Variants in RBFOX1 observed in about 807,000 individuals in gnomAD.
RBFOX1 encodes the protein RNA binding fox-1 homolog 1.
RBFOX1 carries 8 observed loss-of-function variants against 57.7 expected under a neutral mutation model. The ratio of observed to expected loss-of-function variants is 0.14; its 90% confidence interval spans 0.08 to 0.25. The LOEUF is 0.25. Ranked by LOEUF, RBFOX1 falls within the 10% of genes least tolerant of loss-of-function variation. RBFOX1 has a pLI of 1.00. For missense variants in RBFOX1, 611 were observed against 548.5 expected, an observed-to-expected ratio of 1.11 and a Z score of -1.14; for synonymous variants, 326 against 222.4, an observed-to-expected ratio of 1.47 and a Z score of -4.15.
chr16:7,504,709 TTATATATATATATA>T (rs1181491515), intron 4 of RBFOX1, among the ~76,000 whole-genome samples: 20 of 74,530 alleles, frequency 2.7e-4, no homozygotes, highest in African/African-American at 1.4e-3. Context: ...TGAAGTGAGA[TTATATATATATATA>T]TATATATATA....
intron 15 of RBFOX1, chr16:7,709,447 CTTTTT>C (rs75160475): frequency 9.2e-6 from 12 of 1,309,568 alleles, no homozygotes; most frequent in African/African-American, 4.6e-5. Flanking sequence ...CAATGCAGAA[CTTTTT>C]TTTTTCTTTT....
chr16:5,568,887 T>C (rs2046168841), intron 2 of RBFOX1, among the ~76,000 whole-genome samples: 1 of 152,156 alleles, frequency 6.6e-6, no homozygotes, highest in Admixed American at 6.5e-5. Context: ...GTTGCCCAGG[T>C]TGGAGTGCAG....
intron 4 of RBFOX1, among the ~76,000 whole-genome samples, chr16:7,267,390 G>C (rs942694473): frequency 4.7e-5 from 7 of 148,110 alleles, no homozygotes; most frequent in African/African-American, 1.5e-4. Flanking sequence ...TAAAAAATTA[G>C]TCAGATGTGG....
At chr16:7,094,533 C>T (rs373989003) in intron 4 of RBFOX1, among the ~76,000 whole-genome samples, 10 of 152,160 alleles carry the variant, frequency 6.6e-5, no homozygotes, top group East Asian at 5.8e-4. Context: ...GTCATCTTCT[C>T]CTGATGTTAT....
intron 11 of RBFOX1, among the ~76,000 whole-genome samples, chr16:7,635,285 C>T (rs2061576604): frequency 6.6e-6 from 1 of 152,224 alleles, no homozygotes; most frequent in Admixed American, 6.5e-5. Flanking sequence ...AAGCCAGCTA[C>T]CGCAGATCCT....
chr16:5,389,710 T>C (rs2066352327), intron 1 of RBFOX1, among the ~76,000 whole-genome samples: 1 of 152,132 alleles, frequency 6.6e-6, no homozygotes, highest in African/African-American at 2.4e-5. Context: ...TATTTTATTT[T>C]ATTTTAAGAT....
chr16:7,131,181 C>A (rs2070259592), intron 4 of RBFOX1, among the ~76,000 whole-genome samples: 1 of 151,814 alleles, frequency 6.6e-6, no homozygotes, highest in African/African-American at 2.4e-5. Flanking sequence ...CACATCTCTA[C>A]TAAAAATACA....
intron 1 of RBFOX1, among the ~76,000 whole-genome samples, chr16:6,033,742 A>G (rs769905139): frequency 1.3e-5 from 2 of 152,234 alleles, no homozygotes; most frequent in Non-Finnish European, 2.9e-5. Flanking sequence ...TACATGGAAT[A>G]TCTTCAACCG....
chr16:7,338,460 A>G (rs144929516), intron 4 of RBFOX1, among the ~76,000 whole-genome samples: 11 of 152,266 alleles, frequency 7.2e-5, no homozygotes, highest in African/African-American at 2.4e-4. Context: ...CAGTGGTGCA[A>G]TCATAGCTCA....
intron 3 of RBFOX1, among the ~76,000 whole-genome samples, chr16:5,823,275 G>T (rs1597386989): frequency 6.6e-6 from 1 of 152,104 alleles, no homozygotes; most frequent in Admixed American, 6.6e-5. Context: ...AACTATTTTG[G>T]AAGTGAGATT....
intron 3 of RBFOX1, among the ~76,000 whole-genome samples, chr16:6,920,783 T>TC (rs1457033467): frequency 2.0e-5 from 3 of 152,186 alleles, no homozygotes; most frequent in African/African-American, 7.2e-5. Context: ...TGTCTTCTCC[T>TC]CCTCTTAGGA....
intron 1 of RBFOX1, among the ~76,000 whole-genome samples, chr16:6,041,029 A>G (rs983894225): frequency 6.6e-6 from 1 of 152,168 alleles, no homozygotes; most frequent in Non-Finnish European, 1.5e-5. Flanking sequence ...GGACAAATAC[A>G]TAATGTTACC....
intron 3 of RBFOX1, among the ~76,000 whole-genome samples, chr16:6,883,913 C>T (rs1310055984): frequency 4.6e-5 from 7 of 151,932 alleles, no homozygotes; most frequent in Admixed American, 2.6e-4. Flanking sequence ...TAGAGGGGAA[C>T]ATCTTTACCC....
At position 7,061,114 on chromosome 16, in the gene RBFOX1, C is replaced by T. The variant is rs1442528570; in HGVS notation, c.27+9016C>T. On this transcript the variant is annotated intron_variant, in intron 4 of 15. Coordinates refer to ENST00000550418, the MANE Select transcript of RBFOX1 (RefSeq NM_018723.4). ...TTTAATCTTACATAACGAATGGTCC[C>T]AACTTTGTGATTTTCTCCAAGCAAA... 2.0e-5 allele frequency among the ~76,000 whole-genome samples: 3 copies of T among 152,118 alleles called. 1 individual carries two copies. The highest frequency in any genetic ancestry group is 2.0e-4 in the Admixed American group (3 of 15,266).
In RBFOX1 at chr16:6,789,236, G is replaced by C. The variant is rs1219904719; in HGVS notation, c.-16+134586G>C. On this transcript the variant is annotated intron_variant, in intron 3 of 15. Transcript: ENST00000550418. ...TGCACGTGACAAGATGAATGTCATT[G>C]TATCATTTCCCAAGCCGCGATCCCC... 2.0e-5 allele frequency among the ~76,000 whole-genome samples: 3 copies of C among 152,134 alleles called. No individual in the cohort carries two copies. The East Asian group carries it at 5.8e-4, about 29-fold the overall frequency.
At chr16:5,763,170 C>T (rs778211324) in intron 3 of RBFOX1, among the ~76,000 whole-genome samples, 6 of 152,172 alleles carry the variant, frequency 3.9e-5, no homozygotes, top group Non-Finnish European at 8.8e-5. Flanking sequence ...ATTAGAAGTC[C>T]ATCGTGATTT....
intron 3 of RBFOX1, among the ~76,000 whole-genome samples, chr16:5,631,364 C>T (rs2048500684): frequency 1.3e-5 from 2 of 152,114 alleles, no homozygotes. Flanking sequence ...CAAGACCAGC[C>T]TGGCCAATAT....
downstream of RBFOX1, among the ~76,000 whole-genome samples, chr16:5,604,447 G>T (rs573049284): frequency 6.6e-6 from 1 of 152,192 alleles, no homozygotes; most frequent in Non-Finnish European, 1.5e-5. Context: ...CAGGCCCTCA[G>T]ACCCTAGAGG....
chr16:5,971,347 A>G (rs1303354281), intron 4 of RBFOX1, among the ~76,000 whole-genome samples: 2 of 152,232 alleles, frequency 1.3e-5, no homozygotes, highest in East Asian at 3.9e-4. Context: ...GAAGAGGAAG[A>G]GGAAGTTCAT....
Sources: allele counts gnomAD v4.1 joint callset (sites outside exome capture counted in the v4.1 genomes callset), GRCh38; gene constraint gnomAD v4.1.1; transcripts MANE v1.5; gene names NCBI Gene and HGNC (gene_info 2026-07-23, HGNC 2026-07-21).